The following XPO5 variants were observed in gnomAD, a reference collection of about 807,000 sequenced individuals.
XPO5 encodes the protein exportin-5.
XPO5 carries 46 observed loss-of-function variants against 160.6 expected under a neutral mutation model. The ratio of observed to expected loss-of-function variants is 0.29; its 90% CI spans 0.23 to 0.37. The LOEUF (loss-of-function observed/expected upper bound fraction) is 0.37. Among genes scored for constraint, XPO5 ranks in the 10% least tolerant of loss-of-function variants. XPO5 has a pLI of 1.00. For missense variants in XPO5, 1,090 were observed against 1,463.9 expected, an observed-to-expected ratio of 0.74 and a Z score of 4.17; for synonymous variants, 537 against 519.3, an observed-to-expected ratio of 1.03 and a Z score of -0.46.
At chr6:43,532,665 A>G (rs905377457) in intron 21 of XPO5, among the ~76,000 whole-genome samples, 1 of 152,004 alleles carries the variant, frequency 6.6e-6, no homozygotes, top group African/African-American at 2.4e-5. Context: ...GCTAGTTCGT[A>G]CTCATCCTTC....
chr6:43,567,566 TTA>T (rs1315651770), intron 6 of XPO5, among the ~76,000 whole-genome samples: 7 of 152,112 alleles, frequency 4.6e-5, no homozygotes, highest in Admixed American at 2.6e-4. Flanking sequence ...TGTGGCCATT[TTA>T]TCTTTTTCAC....
At chr6:43,573,198 T>C (rs1395210691) in intron 2 of XPO5, among the ~76,000 whole-genome samples, 3 of 152,230 alleles carry the variant, frequency 2.0e-5, no homozygotes, top group Non-Finnish European at 4.4e-5. Context: ...CGAGGGCTAA[T>C]GACATATAGT....
rs57764329 is a variant in XPO5, at chr6:43,572,840, G to T, written c.228-262C>A. 0.033 allele frequency among the ~76,000 whole-genome samples: 4,989 copies of T among 152,240 alleles called. 265 individuals are homozygous for T. Among genetic ancestry groups the T allele is most frequent in the African/African-American group, 0.11 (4,615 of 41,522 alleles). ...AAGATTTGTACCACACGTCAGCTTT[G>T]CCTCATGATTTTATTGATGGGCCAA... On this transcript the variant is annotated intron_variant, in intron 2 of 31. Transcript: ENST00000265351.
chr6:43,543,126 T>TG (rs1198781226), intron 20 of XPO5, among the ~76,000 whole-genome samples: 6 of 152,206 alleles, frequency 3.9e-5, no homozygotes, highest in African/African-American at 1.4e-4. Context: ...TGCATACTTC[T>TG]GATTTCATTT....
At chr6:43,549,360 G>A (rs965202601) in intron 17 of XPO5, 129 bp downstream of exon 17, 20 of 891,114 alleles carry the variant, frequency 2.2e-5, no homozygotes, top group African/African-American at 1.2e-4. Context: ...CACCATGCCC[G>A]GCCAAGGATG....
intron 20 of XPO5, among the ~76,000 whole-genome samples, chr6:43,545,864 G>A (rs535095506): frequency 7.8e-4 from 118 of 152,114 alleles, no homozygotes; most frequent in African/African-American, 2.7e-3. Context: ...GCCTATACTG[G>A]CCTACTTCCA....
chr6:43,557,824 GT>G (rs1231421823), intron 12 of XPO5, among the ~76,000 whole-genome samples: 8 of 150,024 alleles, frequency 5.3e-5, no homozygotes, highest in African/African-American at 2.0e-4. Context: ...GCTGGGCGCG[GT>G]GGTTCGCACC....
intron 20 of XPO5, among the ~76,000 whole-genome samples, chr6:43,537,625 T>C (rs1399076173): frequency 2.6e-5 from 4 of 152,216 alleles, no homozygotes; most frequent in Non-Finnish European, 5.9e-5. Flanking sequence ...GAGTGCCATA[T>C]GTCCTCTAGA....
chr6:43,533,727 C>T (rs188303217), intron 21 of XPO5, 180 bp downstream of exon 21: 3 of 375,202 alleles, frequency 8.0e-6, no homozygotes, highest in African/African-American at 4.2e-5. Flanking sequence ...TCCAACTACT[C>T]GGGAGGCTGA....
chr6:43,544,784 T>C (rs961265989), intron 20 of XPO5, among the ~76,000 whole-genome samples: 4 of 152,214 alleles, frequency 2.6e-5, no homozygotes, highest in African/African-American at 4.8e-5. Context: ...AAGCCTCTTC[T>C]TGACTAAATG....
At position 43,572,670 on chromosome 6, in the gene XPO5, G is replaced by A. The variant is rs374714944; in HGVS notation, c.228-92C>T. The A allele has an allele frequency of 1.9e-4, 245 of 1,287,336 alleles. 2 individuals carry two copies. The highest frequency in any genetic ancestry group is 1.3e-3 in the South Asian group (108 of 80,752). The allele number at this position is 1,287,336 out of a possible 1,614,324, so 79.7% of individuals were successfully genotyped here. A position where few individuals can be genotyped will look rare whatever the true frequency, so the allele number is the denominator to read the frequency against. ...ATGGATTTCTACATTTGATTACACT[G>A]GAGATTTCATTAAGAAATTATACTT... On this transcript the variant is annotated intron_variant, in intron 2 of 31. Transcript: ENST00000265351.
intron 27 of XPO5, 149 bp downstream of exon 27, chr6:43,526,536 A>C: frequency 1.2e-6 from 1 of 810,010 alleles, no homozygotes. Context: ...AGTATGATGG[A>C]GGCACACAGC....
chr6:43,549,227 A>G (rs1327241257), intron 17 of XPO5, among the ~76,000 whole-genome samples: 3 of 151,916 alleles, frequency 2.0e-5, no homozygotes, highest in Admixed American at 2.0e-4. Context: ...ATGCCCAGCT[A>G]ATTTTTTTGT....
intron 13 of XPO5, among the ~76,000 whole-genome samples, chr6:43,554,606 T>C (rs987250789): frequency 9.9e-5 from 15 of 151,852 alleles, no homozygotes; most frequent in African/African-American, 3.6e-4. Context: ...TTGTTTTTAG[T>C]AGAGACAGGG....
rs749054694 is a variant in XPO5 at position 43,522,933 on chromosome 6, G to A, written c.*935C>T. 3.6e-5 allele frequency: 6 copies of A among 168,504 alleles called. No homozygotes were observed. Among genetic ancestry groups the A allele is most frequent in the Non-Finnish European group, 6.7e-5 (5 of 75,096 alleles). The allele number at this position is 168,504 out of a possible 1,614,324, so 10.4% of individuals were successfully genotyped here. On this transcript the variant is annotated 3_prime_UTR_variant, in exon 32 of 32. Transcript: ENST00000265351. ...ATGTATTCTTTTGGAAATGGCCTTT[G>A]AGAAAAGTAACCAGGGACCTGAAAG... is the stretch of plus-strand genomic sequence containing the variant.
chr6:43,541,897 C>G (rs538119796), intron 20 of XPO5, among the ~76,000 whole-genome samples: 243 of 152,262 alleles, frequency 1.6e-3, no homozygotes, highest in African/African-American at 5.5e-3. Flanking sequence ...CTTGCATCAA[C>G]CTTTTGAGTA....
At chr6:43,538,782 T>TC (rs1200996399) in intron 20 of XPO5, 14 of 710,332 alleles carry the variant, frequency 2.0e-5, no homozygotes, top group Admixed American at 1.3e-4. Context: ...TTTTTTTTTT[T>TC]CCCACGCTTA....
intron 20 of XPO5, among the ~76,000 whole-genome samples, chr6:43,534,594 C>T (rs1371361541): frequency 6.6e-6 from 1 of 152,252 alleles, no homozygotes; most frequent in Non-Finnish European, 1.5e-5. Context: ...CTTACCTACT[C>T]ACAGAAATGA....
chr6:43,534,320 T>C (rs1794180891), intron 20 of XPO5, among the ~76,000 whole-genome samples: 1 of 152,214 alleles, frequency 6.6e-6, no homozygotes, highest in Non-Finnish European at 1.5e-5. Context: ...CAGGAGTTTT[T>C]TGACCACCAG....
Sources: allele counts gnomAD v4.1 joint callset (sites outside exome capture counted in the v4.1 genomes callset), GRCh38; gene constraint gnomAD v4.1.1; transcripts MANE v1.5; gene names NCBI Gene and HGNC (gene_info 2026-07-23, HGNC 2026-07-21).